SLC22A15: variants seen among roughly 807,000 people sequenced by gnomAD.
SLC22A15 encodes solute carrier family 22 member 15.
SLC22A15 carries 45 observed loss-of-function variants against 62.7 expected under a neutral mutation model. The observed-to-expected ratio is 0.72, with a 90% CI of 0.56 to 0.92. The LOEUF (loss-of-function observed/expected upper bound fraction) is 0.92. Among genes scored for constraint, SLC22A15 ranks in the 40% least tolerant of loss-of-function variants. The pLI is 0.00. For missense variants in SLC22A15, 622 were observed against 665.6 expected, an observed-to-expected ratio of 0.93 and a Z score of 0.72; for synonymous variants, 264 against 267.0, an observed-to-expected ratio of 0.99 and a Z score of 0.11.
At chr1:116,053,979 G>A (rs1658129750) in intron 8 of SLC22A15, among the ~76,000 whole-genome samples, 1 of 151,752 alleles carries the variant, frequency 6.6e-6, no homozygotes, top group South Asian at 2.1e-4. Context: ...ATCGAGACTA[G>A]GAAGAAACTG....
intron 1 of SLC22A15, among the ~76,000 whole-genome samples, chr1:115,991,212 A>G (rs1395127190): frequency 6.6e-6 from 1 of 152,248 alleles, no homozygotes; most frequent in African/African-American, 2.4e-5. Flanking sequence ...AAAGATTGCA[A>G]TAGGGCTTGA....
chr1:116,017,148 G>A (rs566199669), intron 2 of SLC22A15, among the ~76,000 whole-genome samples: 7 of 152,062 alleles, frequency 4.6e-5, no homozygotes, highest in African/African-American at 1.2e-4. Context: ...TATTTTCCCC[G>A]AAGAGTTTTT....
At chr1:115,997,669 G>T (rs1655495898) in intron 2 of SLC22A15, among the ~76,000 whole-genome samples, 1 of 151,986 alleles carries the variant, frequency 6.6e-6, no homozygotes, top group Admixed American at 6.6e-5. Context: ...CAAGTTTACT[G>T]AATTTGTTTC....
At chr1:115,999,870 CTTT>C (rs1174182589) in intron 2 of SLC22A15, among the ~76,000 whole-genome samples, 2 of 152,056 alleles carry the variant, frequency 1.3e-5, no homozygotes, top group Non-Finnish European at 2.9e-5. Flanking sequence ...TATCTTGTCT[CTTT>C]TTAAAATTTT....
At position 116,016,410 on chromosome 1, in the gene SLC22A15, A is replaced by G. The variant is rs546862791; in HGVS notation, c.301-3172A>G. 5.3e-3 allele frequency among the ~76,000 whole-genome samples: 805 copies of G among 152,110 alleles called. 2 individuals carry two copies. The highest frequency in any genetic ancestry group is 0.019 in the African/African-American group (779 of 41,446). On this transcript the variant is annotated intron_variant, in intron 2 of 11. Coordinates refer to ENST00000369503, the MANE Select transcript of SLC22A15 (RefSeq NM_018420.3). ...CCCAGCTAATTTTTGTGTGTTTTGT[A>G]TAGACATGTTTTCGCCATGTTGCCC...
chr1:116,036,295 T>C (rs1657625644), intron 7 of SLC22A15, among the ~76,000 whole-genome samples: 1 of 152,114 alleles, frequency 6.6e-6, no homozygotes, highest in African/African-American at 2.4e-5. Flanking sequence ...CACTTAAAAG[T>C]GTTATAAGGA....
chr1:115,988,892 C>G (rs1459048798), intron 1 of SLC22A15, among the ~76,000 whole-genome samples: 2 of 152,148 alleles, frequency 1.3e-5, no homozygotes, highest in Non-Finnish European at 2.9e-5. Flanking sequence ...GCTAATTTCT[C>G]ATAGTACCCC....
chr1:115,999,184 T>G (rs1299788810), intron 2 of SLC22A15, among the ~76,000 whole-genome samples: 1 of 152,250 alleles, frequency 6.6e-6, no homozygotes, highest in Non-Finnish European at 1.5e-5. Flanking sequence ...AGACTTGTTT[T>G]GTGGCTAACA....
intron 1 of SLC22A15, among the ~76,000 whole-genome samples, chr1:115,990,754 G>GT (rs969477939): frequency 6.6e-5 from 10 of 151,942 alleles, no homozygotes; most frequent in African/African-American, 2.4e-4. Context: ...CATCACATCT[G>GT]TTTTTTTGTT....
Position 116,062,898 on chromosome 1 carries a change from A to G in SLC22A15, c.1292+16A>G. ...CAGTCATCAGGTACGTGTCTCACAC[A>G]GCCTCATTCTTCACACATTCTACAC... is the stretch of plus-strand genomic sequence containing the variant. On this transcript the variant is annotated intron_variant, in intron 9 of 11. Transcript: ENST00000369503. The G allele has an allele frequency of 1.9e-6, 3 of 1,612,494 alleles. No individual in the cohort carries two copies. The highest frequency in any genetic ancestry group is 1.7e-6 in the Non-Finnish European group (2 of 1,178,888).
In SLC22A15 at chr1:116,031,750, G is replaced by A. The variant is rs886244820; in HGVS notation, c.944+169G>A. 2.0e-5 allele frequency: 29 copies of A among 1,434,012 alleles called. 1 individual carries two copies. Among genetic ancestry groups the A allele is most frequent in the Middle Eastern group, 5.2e-4 (2 of 3,876 alleles). 88.8% of individuals were successfully genotyped at this position (1,434,012 alleles called of 1,614,324 possible). A position where few individuals can be genotyped will look rare whatever the true frequency, so the allele number is the denominator to read the frequency against. On this transcript the variant is annotated intron_variant, in intron 6 of 11. Transcript: ENST00000369503. ...CCTTAGCGCCTGGTTTTCTGCTTGCGCAGCCCCGTCTTTCTCAAGTAGCAG... is the reference window on the plus strand; with the variant it reads ...CCTTAGCGCCTGGTTTTCTGCTTGCACAGCCCCGTCTTTCTCAAGTAGCAG...
In SLC22A15 at chr1:116,068,862, G is replaced by C. The variant is rs1477441140; in HGVS notation, c.*1754G>C. On this transcript the variant is annotated 3_prime_UTR_variant, in exon 12 of 12. Transcript: ENST00000369503. Reference sequence around the variant, plus strand: ...AAAAGTTATTCTTAAATGGTGGTTGGGCATTTAAAACAGTGAACTAACATA... The same window carrying C: ...AAAAGTTATTCTTAAATGGTGGTTGCGCATTTAAAACAGTGAACTAACATA... 2.6e-5 allele frequency: 4 copies of C among 152,006 alleles called. No individual in the cohort carries two copies. The highest frequency in any genetic ancestry group is 2.9e-5 in the Non-Finnish European group (2 of 68,012). 9.4% of individuals were successfully genotyped at this position (152,006 alleles called of 1,614,324 possible).
chr1:116,005,308 A>G (rs968859405), intron 2 of SLC22A15, among the ~76,000 whole-genome samples: 5 of 152,096 alleles, frequency 3.3e-5, no homozygotes, highest in African/African-American at 1.2e-4. Context: ...TGGCATAACA[A>G]GATATTCCAA....
At chr1:116,057,145 G>T (rs548862612) in intron 8 of SLC22A15, among the ~76,000 whole-genome samples, 1 of 151,682 alleles carries the variant, frequency 6.6e-6, no homozygotes, top group East Asian at 1.9e-4. Flanking sequence ...GAAAATTTTC[G>T]CAACCTACTC....
At chr1:115,978,406 C>T (rs1295272556) in intron 1 of SLC22A15, among the ~76,000 whole-genome samples, 1 of 152,126 alleles carries the variant, frequency 6.6e-6, no homozygotes, top group Non-Finnish European at 1.5e-5. Context: ...AGTTCCAAGC[C>T]CATGCCTATG....
rs1654528600 is a variant in SLC22A15 at position 115,979,880 on chromosome 1, AG to A, written c.87+3168del. ...GAATTTAAAGCCCCCATTTACTATC[AG>A]GAACATGTAATCTATAACAAGCATT... is the stretch of plus-strand genomic sequence containing the variant. On this transcript the variant is annotated intron_variant, in intron 1 of 11. Transcript: ENST00000369503. 2.0e-5 allele frequency among the ~76,000 whole-genome samples: 3 copies of A among 152,210 alleles called. No homozygotes were observed. In the South Asian group the frequency reaches 6.2e-4, roughly 32 times the overall value.
At chr1:116,046,003 CAT>C (rs1657921390) in intron 8 of SLC22A15, among the ~76,000 whole-genome samples, 1 of 151,914 alleles carries the variant, frequency 6.6e-6, no homozygotes, top group South Asian at 2.1e-4. Flanking sequence ...ATGAGGAAAA[CAT>C]AACCTTTTTA....
At chr1:116,066,446 A>G (rs1005687350) in intron 10 of SLC22A15, 74 bp from the exon 11 acceptor site, 7 of 1,388,052 alleles carry the variant, frequency 5.0e-6, no homozygotes, top group Non-Finnish European at 6.8e-6. Context: ...TTTTTCAGTC[A>G]TGAGACTGCT....
At chr1:116,005,214 G>A (rs1381662963) in intron 2 of SLC22A15, among the ~76,000 whole-genome samples, 1 of 152,078 alleles carries the variant, frequency 6.6e-6, no homozygotes, top group African/African-American at 2.4e-5. Context: ...GGAAAAGCAT[G>A]CCTACTTAGT....
Sources: gnomAD v4.1 joint callset for allele counts (sites outside exome capture counted in the v4.1 genomes callset) on GRCh38, gnomAD v4.1.1 for gene constraint, MANE v1.5 for transcripts, NCBI Gene and HGNC (gene_info 2026-07-23, HGNC 2026-07-21) for gene names.